The following THSD7A variants were observed in gnomAD, a reference collection of about 807,000 sequenced individuals.
The protein encoded by THSD7A is thrombospondin type 1 domain containing 7A.
Under a neutral mutation model 231.3 loss-of-function variants are expected in THSD7A, and 96 were observed. That is an observed-to-expected ratio of 0.41 (90% CI 0.35 to 0.49). The LOEUF is 0.49. Among genes scored for constraint, THSD7A ranks in the 20% least tolerant of loss-of-function variants. The pLI, the probability that THSD7A is intolerant of heterozygous loss-of-function variation, is 0.05. For synonymous variants in THSD7A, 940 were observed against 743.3 expected (o/e 1.26, Z -4.30); for missense variants, 2,290 against 2,070.2 (o/e 1.11, Z -2.06).
chr7:11,527,028 C>G (rs2128318134), intron 6 of THSD7A, among the ~76,000 whole-genome samples: 1 of 152,134 alleles, frequency 6.6e-6, no homozygotes, highest in East Asian at 1.9e-4. Flanking sequence ...ATGATTAAAC[C>G]AGTTTGTTGA....
chr7:11,414,275 C>T lies in THSD7A; in HGVS notation c.3538-1475G>A, dbSNP rs543483336. Among the ~76,000 whole-genome samples, 270 of 152,286 alleles carry T rather than the reference C, an allele frequency of 1.8e-3. 1 individual carries two copies. Among genetic ancestry groups the T allele is most frequent in the South Asian group, 0.015 (72 of 4,814 alleles). ...AAGGGTTTCTGTGACCTCTGTTTCA[C>T]CTTTTGACATTAGAGCACTGAAAAT... On this transcript the variant is annotated intron_variant, in intron 17 of 27. Coordinates refer to ENST00000423059, the MANE Select transcript of THSD7A (RefSeq NM_015204.3).
intron 1 of THSD7A, among the ~76,000 whole-genome samples, chr7:11,759,402 A>G (rs1430164524): frequency 1.3e-5 from 2 of 152,082 alleles, no homozygotes; most frequent in Admixed American, 6.6e-5. Context: ...AGAAGAGATA[A>G]TAAGTTGAAA....
chr7:11,380,422 T>G (rs531873957), intron 24 of THSD7A, among the ~76,000 whole-genome samples: 1 of 152,210 alleles, frequency 6.6e-6, no homozygotes, highest in East Asian at 1.9e-4. Context: ...CAAACTATAC[T>G]TGTTCAGTTT....
chr7:11,831,888 C>T lies in THSD7A; in HGVS notation c.59G>A (p.Arg20Gln). Residue 20 changes from arginine (R) to glutamine (Q), a missense_variant, in exon 1 of 28, where the codon CGG (arginine) becomes CAG (glutamine). Physicochemically the swap from Arg to Gln is conservative, Grantham distance 43 (BLOSUM62 1). Coordinates refer to ENST00000423059, the MANE Select transcript of THSD7A (RefSeq NM_015204.3). This position sits in a 1 kb window ranked among gnomAD's most constrained non-coding sequence, Gnocchi z 5.0. Reference sequence around the variant, plus strand: ...CAGCGGCAGCAGCTGCAGGACGCCCCGGCGCGGCCCCGCAGCGCCCCGGCT... The same window carrying T: ...CAGCGGCAGCAGCTGCAGGACGCCCTGGCGCGGCCCCGCAGCGCCCCGGCT... Reference protein sequence around the residue: ...SGSRGAAGPRRGVLQLLPLPL... With the variant: ...SGSRGAAGPRQGVLQLLPLPL... 1.6e-6 allele frequency: 2 copies of T among 1,247,168 alleles called. No individual in the cohort carries two copies. Among genetic ancestry groups the T allele is most frequent in the Non-Finnish European group, 2.0e-6 (2 of 1,000,444 alleles). The allele number at this position is 1,247,168 out of a possible 1,614,324, so 77.3% of individuals were successfully genotyped here.
intron 23 of THSD7A, among the ~76,000 whole-genome samples, chr7:11,386,948 C>T (rs1274117077): frequency 6.6e-6 from 1 of 152,206 alleles, no homozygotes; most frequent in African/African-American, 2.4e-5. Flanking sequence ...GTTTTCCCGA[C>T]ACCATTTATT....
chr7:11,580,535 A>T lies in THSD7A; in HGVS notation c.1453+9925T>A, dbSNP rs60. Among the ~76,000 whole-genome samples the T allele has an allele frequency of 1.2e-4, 18 of 152,058 alleles. No homozygotes were observed. In the East Asian group the frequency reaches 2.3e-3, roughly 20 times the overall value. On this transcript the variant is annotated intron_variant, in intron 4 of 27. Transcript: ENST00000423059. The stretch of plus-strand genomic sequence containing the variant: ...AAGTATACTTTTTTAAAAAATCACC[A>T]GAAAATACTATGCAGCCATTAAAAG...
intron 2 of THSD7A, among the ~76,000 whole-genome samples, chr7:11,613,913 A>G (rs1196828259): frequency 6.6e-6 from 1 of 152,202 alleles, no homozygotes; most frequent in Non-Finnish European, 1.5e-5. Context: ...ATGATGTCCT[A>G]TTGCTTCTGA....
In THSD7A at chr7:11,580,486, A is replaced by G. The variant is rs565627690; in HGVS notation, c.1453+9974T>C. Among the ~76,000 whole-genome samples, 142 of 152,302 alleles carry G rather than the reference A, an allele frequency of 9.3e-4. 1 individual carries two copies. The highest frequency in any genetic ancestry group is 3.4e-3 in the African/African-American group (140 of 41,576). ...ATAACTTCAAGGCTTTTATCAGGCTATAAACTTCCTGATGACAAGTATCAA... is the reference window on the plus strand; with the variant it reads ...ATAACTTCAAGGCTTTTATCAGGCTGTAAACTTCCTGATGACAAGTATCAA... On this transcript the variant is annotated intron_variant, in intron 4 of 27. Transcript: ENST00000423059.
chr7:11,587,709 C>G (rs976765782), intron 4 of THSD7A, among the ~76,000 whole-genome samples: 14 of 152,154 alleles, frequency 9.2e-5, no homozygotes, highest in African/African-American at 3.4e-4. Flanking sequence ...GTGTGTGTCA[C>G]TTAGTAGTAC....
At chr7:11,412,540 A>G in intron 18 of THSD7A, 116 bp downstream of exon 18, 1 of 1,227,940 alleles carries the variant, frequency 8.1e-7, no homozygotes, top group Non-Finnish European at 1.1e-6. Context: ...CTGGGAAAGT[A>G]AGCAGCATAT....
At chr7:11,463,175 T>C (rs1785569174) in intron 9 of THSD7A, among the ~76,000 whole-genome samples, 1 of 152,204 alleles carries the variant, frequency 6.6e-6, no homozygotes, top group South Asian at 2.1e-4. Context: ...TGAAACCTTT[T>C]TAAAAGATAC....
intron 1 of THSD7A, among the ~76,000 whole-genome samples, chr7:11,821,684 A>G (rs1057405484): frequency 3.9e-5 from 6 of 152,058 alleles, no homozygotes; most frequent in African/African-American, 1.4e-4. Flanking sequence ...TATGTGGACC[A>G]TCTCTCTCTG....
intron 1 of THSD7A, among the ~76,000 whole-genome samples, chr7:11,686,951 G>A (rs960539291): frequency 2.6e-5 from 4 of 151,746 alleles, no homozygotes; most frequent in African/African-American, 7.3e-5. Flanking sequence ...ACCTGCACAT[G>A]TACCCTCTGA....
rs1790631448 is a variant in THSD7A at position 11,571,571 on chromosome 7, T to C, written c.1453+18889A>G. Reference sequence around the variant, plus strand: ...GTTAAGTAACCTGTCCAAGATCACATGGCTCAGGTAATCTATCTCCATAGT... The same window carrying C: ...GTTAAGTAACCTGTCCAAGATCACACGGCTCAGGTAATCTATCTCCATAGT... On this transcript the variant is annotated intron_variant, in intron 4 of 27. Transcript: ENST00000423059. Among the ~76,000 whole-genome samples, 4 of 152,348 alleles carry C rather than the reference T, an allele frequency of 2.6e-5. No individual in the cohort carries two copies. In the South Asian group the frequency reaches 8.3e-4, roughly 32 times the overall value.
At chr7:11,467,333 T>G (rs149912871) in intron 9 of THSD7A, among the ~76,000 whole-genome samples, 10 of 152,262 alleles carry the variant, frequency 6.6e-5, no homozygotes, top group Non-Finnish European at 1.3e-4. Flanking sequence ...ACCATTAAAT[T>G]TTGTTATTGA....
Position 11,406,167 on chromosome 7 carries a change from A to C in THSD7A, c.4237+133T>G. ...CCCGTTCCCCACAGGCATAGTGTTG[A>C]GCTGTTGGCATAGATATTACTGAAT... On this transcript the variant is annotated intron_variant, in intron 22 of 27. Coordinates refer to ENST00000423059, the MANE Select transcript of THSD7A (RefSeq NM_015204.3). The surrounding 1 kb of genome is among the most constrained non-coding windows in gnomAD (Gnocchi z 4.7). The C allele has an allele frequency of 1.1e-6, 1 of 911,680 alleles. No individual in the cohort carries two copies. The highest frequency in any genetic ancestry group is 1.6e-6 in the Non-Finnish European group (1 of 618,524). The allele number at this position is 911,680 out of a possible 1,614,324, so 56.5% of individuals were successfully genotyped here.
chr7:11,483,592 T>C (rs1373323871), intron 6 of THSD7A, among the ~76,000 whole-genome samples: 1 of 152,152 alleles, frequency 6.6e-6, no homozygotes, highest in Non-Finnish European at 1.5e-5. Flanking sequence ...AGTATGAAAA[T>C]CATTATTGTA....
At chr7:11,572,650 G>C (rs1441053168) in intron 4 of THSD7A, among the ~76,000 whole-genome samples, 1 of 152,066 alleles carries the variant, frequency 6.6e-6, no homozygotes, top group Non-Finnish European at 1.5e-5. Context: ...TGGGACTACA[G>C]GCACCAGCCA....
At chr7:11,820,415 G>T in intron 1 of THSD7A, 1 of 1,327,316 alleles carries the variant, frequency 7.5e-7, no homozygotes. Context: ...AACTTGTCAT[G>T]GGCCCACTTG....
Sources: allele counts gnomAD v4.1 joint callset (sites outside exome capture counted in the v4.1 genomes callset), GRCh38; gene constraint gnomAD v4.1.1; non-coding constraint Gnocchi (gnomAD v3.1); transcripts MANE v1.5; gene names NCBI Gene and HGNC (gene_info 2026-07-23, HGNC 2026-07-21).